CABIN1: variants seen among roughly 807,000 people sequenced by gnomAD.
CABIN1 encodes the protein calcineurin binding protein 1.
In CABIN1, 133 loss-of-function variants were observed where a neutral mutation model predicts 227.7. The observed-to-expected ratio is 0.58, with a 90% CI of 0.51 to 0.67. The LOEUF (loss-of-function observed/expected upper bound fraction) is 0.67. CABIN1 is among the 30% of genes least tolerant of loss of function. The pLI, the probability that CABIN1 is intolerant of heterozygous loss-of-function variation, is 0.00. For missense variants in CABIN1, 2,408 were observed against 2,852.5 expected, an observed-to-expected ratio of 0.84 and a Z score of 3.55; for synonymous variants, 1,086 against 1,155.1, an observed-to-expected ratio of 0.94 and a Z score of 1.21.
chr22:24,102,303 T>G (rs1209981555), intron 26 of CABIN1: 1 of 152,226 alleles, frequency 6.6e-6, no homozygotes, highest in African/African-American at 2.4e-5. Flanking sequence ...GATAGTGCCT[T>G]TCTTGGACTA....
Position 24,113,733 on chromosome 22 carries a change from G to T in CABIN1, c.4285G>T (p.Ala1429Ser). The T allele has an allele frequency of 6.2e-7, 1 of 1,613,810 alleles. No homozygotes were observed. Among genetic ancestry groups the T allele is most frequent in the Non-Finnish European group, 8.5e-7 (1 of 1,180,006 alleles). The change falls in exon 27 of 37, where the codon GCC (alanine) becomes TCC (serine). Residue 1429 changes from alanine to serine, a missense_variant. Transcript: ENST00000263119. ...AGATGKDLQG[A>S]TEERGKNEES... ...AGCGACGGGTAAAGATCTTCAGGGGGCCACAGAAGAAAGAGGTATGAAGCC... is the reference window on the plus strand; with the variant it reads ...AGCGACGGGTAAAGATCTTCAGGGGTCCACAGAAGAAAGAGGTATGAAGCC...
intron 2 of CABIN1, 62 bp downstream of exon 2, chr22:24,035,582 G>A: frequency 6.2e-7 from 1 of 1,600,980 alleles, no homozygotes; most frequent in Non-Finnish European, 8.6e-7. Flanking sequence ...TTACTCCTGG[G>A]GGCGAGGGGC....
intron 31 of CABIN1, 114 bp downstream of exon 31, chr22:24,165,740 G>A: frequency 2.4e-6 from 2 of 850,824 alleles, no homozygotes; most frequent in South Asian, 1.4e-5. Context: ...ATGTGCCTAA[G>A]GGTCCCCATC....
At chr22:24,021,220 A>G (rs906197291) in intron 1 of CABIN1, among the ~76,000 whole-genome samples, 4 of 151,704 alleles carry the variant, frequency 2.6e-5, no homozygotes, top group Admixed American at 1.3e-4. Flanking sequence ...GGGTCTCACT[A>G]TCTTGCCCAG....
At chr22:24,148,626 C>G (rs190832508) in intron 29 of CABIN1, among the ~76,000 whole-genome samples, 121 of 152,344 alleles carry the variant, frequency 7.9e-4, no homozygotes, top group African/African-American at 2.3e-3. Context: ...CCCCTTTTAC[C>G]TTAGTTTCTC....
chr22:24,132,055 C>CT (rs1740006878), intron 28 of CABIN1, among the ~76,000 whole-genome samples: 1 of 147,046 alleles, frequency 6.8e-6, no homozygotes, highest in African/African-American at 2.5e-5. Flanking sequence ...GAGTGACACT[C>CT]TGTCTCCAAA....
At chr22:24,097,173 A>G (rs1286386611) in intron 25 of CABIN1, among the ~76,000 whole-genome samples, 3 of 152,196 alleles carry the variant, frequency 2.0e-5, no homozygotes, top group Non-Finnish European at 4.4e-5. Flanking sequence ...ATTGGTTATA[A>G]TTCTGTTAAA....
At chr22:24,175,041 G>T (rs1385707534) in intron 34 of CABIN1, among the ~76,000 whole-genome samples, 1 of 152,194 alleles carries the variant, frequency 6.6e-6, no homozygotes. Context: ...TCTCTCCTCT[G>T]TTAGATCTAA....
At chr22:24,056,531 A>T in intron 10 of CABIN1, 171 bp downstream of exon 10, 1 of 681,734 alleles carries the variant, frequency 1.5e-6, no homozygotes, top group East Asian at 2.7e-5. Flanking sequence ...AGGATCTTGG[A>T]TTTTTCTCGC....
chr22:24,097,346 A>T (rs2041954485), intron 25 of CABIN1, among the ~76,000 whole-genome samples: 1 of 152,218 alleles, frequency 6.6e-6, no homozygotes, highest in Admixed American at 6.5e-5. Context: ...ATAACACTTA[A>T]ATGCACACAT....
intron 33 of CABIN1, among the ~76,000 whole-genome samples, chr22:24,171,169 G>A (rs2046788989): frequency 1.3e-5 from 2 of 152,216 alleles, no homozygotes; most frequent in African/African-American, 4.8e-5. Flanking sequence ...AGGCTGCAGG[G>A]AGAGGCCAAG....
chr22:24,143,235 G>T (rs2044885258), intron 29 of CABIN1, among the ~76,000 whole-genome samples: 1 of 152,184 alleles, frequency 6.6e-6, no homozygotes, highest in Non-Finnish European at 1.5e-5. Context: ...ACCGGGATTG[G>T]CCCAGCTGTC....
chr22:24,080,966 C>A (rs188592855), intron 19 of CABIN1, among the ~76,000 whole-genome samples: 4 of 152,072 alleles, frequency 2.6e-5, no homozygotes, highest in African/African-American at 9.6e-5. Context: ...CAAAGCTTTT[C>A]CTGTAAAGGG....
chr22:24,171,788 C>T lies in CABIN1; in HGVS notation c.5833C>T (p.Pro1945Ser). 1 of 1,614,168 alleles carries T rather than the reference C, an allele frequency of 6.2e-7. No individual in the cohort carries two copies. Among genetic ancestry groups the T allele is most frequent in the South Asian group, 1.1e-5 (1 of 91,090 alleles). The change falls in exon 34 of 37, where the codon CCC becomes TCC. Residue 1945 changes from proline to serine, a missense_variant. By Grantham distance (74) the Pro-to-Ser change is moderately conservative. Coordinates refer to ENST00000263119, the MANE Select transcript of CABIN1 (RefSeq NM_012295.4). The stretch of plus-strand genomic sequence containing the variant: ...GAACTTCTTTCCTGTGACAGTGGTG[C>T]CCACAGCCCCTGACCCTGTGCCAGC... ...RENFFPVTVVPTAPDPVPADS... is the reference protein window; with the variant it reads ...RENFFPVTVVSTAPDPVPADS...
intron 14 of CABIN1, 110 bp downstream of exon 14, chr22:24,063,256 G>GTGCA: frequency 5.4e-6 from 6 of 1,104,918 alleles, no homozygotes; most frequent in South Asian, 1.3e-5. Flanking sequence ...GTGTGTGTGT[G>GTGCA]TGCATGCATG....
chr22:24,072,716 C>T (rs973191217), intron 18 of CABIN1, among the ~76,000 whole-genome samples: 16 of 152,292 alleles, frequency 1.1e-4, no homozygotes, highest in African/African-American at 3.9e-4. Flanking sequence ...GCACGGGAGG[C>T]CTGGATGTGT....
intron 29 of CABIN1, among the ~76,000 whole-genome samples, chr22:24,144,534 C>G (rs2044987479): frequency 1.3e-5 from 2 of 152,264 alleles, no homozygotes; most frequent in Non-Finnish European, 2.9e-5. Context: ...GCCATGGAAC[C>G]CAGAGCTCAC....
intron 36 of CABIN1, 40 bp from the exon 37 acceptor site, chr22:24,178,013 A>G (rs774658577): frequency 1.5e-4 from 235 of 1,611,530 alleles, no homozygotes; most frequent in Middle Eastern, 3.8e-4. Flanking sequence ...GGCAGAGCCC[A>G]GCCATCCTTG....
intron 29 of CABIN1, 25 bp from the exon 30 acceptor site, chr22:24,164,375 C>G (rs1222304614): frequency 2.5e-6 from 4 of 1,600,504 alleles, no homozygotes; most frequent in Non-Finnish European, 3.4e-6. Context: ...ACCCCCCTCA[C>G]ACACCTGTGC....
Sources: gnomAD v4.1 joint callset for allele counts (sites outside exome capture counted in the v4.1 genomes callset) on GRCh38, gnomAD v4.1.1 for gene constraint, MANE v1.5 for transcripts, NCBI Gene and HGNC (gene_info 2026-07-23, HGNC 2026-07-21) for gene names.